Variants in DCTN4 observed in about 807,000 individuals in gnomAD.
The protein encoded by DCTN4 is dynactin 4 (p62).
A neutral mutation model predicts 62.7 loss-of-function variants in DCTN4; 23 were observed. The ratio of observed to expected loss-of-function variants is 0.37; its 90% CI spans 0.26 to 0.52. The LOEUF is 0.52. Ranked by LOEUF, DCTN4 falls within the 20% of genes least tolerant of loss-of-function variation. DCTN4 has a pLI of 0.92. For missense variants in DCTN4, 514 were observed against 580.4 expected (o/e 0.89, Z 1.18); for synonymous variants, 199 against 202.1 (o/e 0.98, Z 0.13).
intron 8 of DCTN4, among the ~76,000 whole-genome samples, chr5:150,726,835 A>G (rs981491122): frequency 6.6e-6 from 1 of 152,198 alleles, no homozygotes; most frequent in Non-Finnish European, 1.5e-5. Context: ...TTCACATCTT[A>G]CAAATGCCAT....
chr5:150,748,951 A>G (rs1162003513), intron 3 of DCTN4, among the ~76,000 whole-genome samples: 1 of 152,110 alleles, frequency 6.6e-6, no homozygotes, highest in Non-Finnish European at 1.5e-5. Flanking sequence ...AAGAAAAAAA[A>G]AGAAAAAAAG....
intron 3 of DCTN4, among the ~76,000 whole-genome samples, chr5:150,746,739 C>T (rs1309543417): frequency 4.6e-5 from 7 of 152,130 alleles, no homozygotes; most frequent in South Asian, 2.1e-4. Flanking sequence ...AATTCAACAG[C>T]CCTTCATGCT....
chr5:150,724,067 TAAGAG>T (rs746972925), intron 8 of DCTN4, among the ~76,000 whole-genome samples: 1 of 152,208 alleles, frequency 6.6e-6, no homozygotes, highest in Non-Finnish European at 1.5e-5. Context: ...GACAATTTCC[TAAGAG>T]TAGATCAAAG....
In DCTN4 at chr5:150,727,736, A is replaced by G. The variant is rs1047528821; in HGVS notation, c.834+2895T>C. On this transcript the variant is annotated intron_variant, in intron 8 of 12. Coordinates refer to ENST00000447998, the MANE Select transcript of DCTN4 (RefSeq NM_016221.4). Reference sequence around the variant, plus strand: ...GCTTGCAGTGAGCCGAGATCGCGCCACTGCACTCCAGCCTGGGCGACAGAG... The same window carrying G: ...GCTTGCAGTGAGCCGAGATCGCGCCGCTGCACTCCAGCCTGGGCGACAGAG... Among the ~76,000 whole-genome samples the G allele has an allele frequency of 2.0e-3, 262 of 133,500 alleles. 2 individuals carry two copies. Among genetic ancestry groups the G allele is most frequent in the African/African-American group, 7.2e-3 (253 of 35,058 alleles). 87.6% of individuals were successfully genotyped at this position (133,500 alleles called of 152,430 possible).
chr5:150,731,799 A>T, intron 5 of DCTN4: 1 of 1,252,698 alleles, frequency 8.0e-7, no homozygotes, highest in Non-Finnish European at 1.1e-6. Context: ...TGGAGTGTCT[A>T]AGATACACAA....
At position 150,722,942 on chromosome 5, in the gene DCTN4, T is replaced by C; in HGVS notation, c.873A>G (p.Pro291=). 1 of 1,613,144 alleles carries C rather than the reference T, an allele frequency of 6.2e-7. No homozygotes were observed. The highest frequency in any genetic ancestry group is 8.5e-7 in the Non-Finnish European group (1 of 1,179,588). Residue 291 remains proline (P), a synonymous_variant, in exon 9 of 13, where the codon CCA becomes CCG. Coordinates refer to ENST00000447998, the MANE Select transcript of DCTN4 (RefSeq NM_016221.4). ...GCTGGATTTTGAATTTGATTGACGT[T>C]GGGTTAAATTCTGGCTTGCTCAAAT... ...EHNLSKPEFN[P]TSIKFKIQLV... is the part of the protein sequence containing the mutation.
At position 150,746,000 on chromosome 5, in the gene DCTN4, G is replaced by T. The variant is rs529719710; in HGVS notation, c.386-3843C>A. On this transcript the variant is annotated intron_variant, in intron 3 of 12. Transcript: ENST00000447998. ...ACCCTTCAAAAAATTAATGAATCCA[G>T]GAGCTGGTTTTTTGAAAGGATCAAC... Among the ~76,000 whole-genome samples the T allele has an allele frequency of 3.6e-3, 539 of 151,458 alleles. 5 individuals are homozygous for T. The highest frequency in any genetic ancestry group is 0.013 in the African/African-American group (516 of 41,194).
At position 150,722,184 on chromosome 5, in the gene DCTN4, C is replaced by A. The variant is rs568062788; in HGVS notation, c.908+723G>T. ...TGCTAAGGTCAAAGGTGTTTCTTTT[C>A]TTTTAATGGCTTCTGGGTTTCCTGT... On this transcript the variant is annotated intron_variant, in intron 9 of 12. Coordinates refer to ENST00000447998, the MANE Select transcript of DCTN4 (RefSeq NM_016221.4). 2.6e-5 allele frequency among the ~76,000 whole-genome samples: 4 copies of A among 152,216 alleles called. No homozygotes were observed. In the East Asian group the frequency reaches 5.8e-4, roughly 22 times the overall value.
At chr5:150,715,487 C>T in intron 12 of DCTN4, 78 bp downstream of exon 12, 1 of 1,114,752 alleles carries the variant, frequency 9.0e-7, no homozygotes, top group African/African-American at 1.6e-5. Flanking sequence ...TTAAAAAATC[C>T]AGACAAGAAA....
At chr5:150,724,893 C>T (rs1444898694) in intron 8 of DCTN4, among the ~76,000 whole-genome samples, 1 of 152,146 alleles carries the variant, frequency 6.6e-6, no homozygotes, top group Non-Finnish European at 1.5e-5. Context: ...CGCAGTGGCT[C>T]ACGCCTGTAA....
At chr5:150,742,065 C>T (rs756386474) in intron 4 of DCTN4, 49 bp downstream of exon 4, 12 of 1,535,996 alleles carry the variant, frequency 7.8e-6, no homozygotes, top group Non-Finnish European at 9.9e-6. Context: ...CAGTCTTTTA[C>T]TCAATTTTTT....
At chr5:150,742,091 C>G (rs1240814892) in intron 4 of DCTN4, 23 bp downstream of exon 4, 6 of 1,612,162 alleles carry the variant, frequency 3.7e-6, no homozygotes, top group Non-Finnish European at 4.2e-6. Flanking sequence ...TTCATCCTCT[C>G]TCTCTTATGA....
intron 12 of DCTN4, among the ~76,000 whole-genome samples, chr5:150,713,815 C>A (rs906415777): frequency 6.6e-6 from 1 of 151,960 alleles, no homozygotes; most frequent in Non-Finnish European, 1.5e-5. Context: ...TTTGATCATT[C>A]TGTCAAAAAA....
intron 8 of DCTN4, among the ~76,000 whole-genome samples, chr5:150,725,235 T>C (rs970723773): frequency 5.9e-5 from 9 of 151,466 alleles, no homozygotes; most frequent in African/African-American, 2.2e-4. Context: ...TCTGCGGATA[T>C]ACTATAATCT....
At chr5:150,725,346 T>A (rs995286594) in intron 8 of DCTN4, among the ~76,000 whole-genome samples, 1 of 151,784 alleles carries the variant, frequency 6.6e-6, no homozygotes, top group Non-Finnish European at 1.5e-5. Flanking sequence ...TATTACTATA[T>A]TAATGGTGCA....
chr5:150,721,097 G>T (rs1759941938), intron 9 of DCTN4, among the ~76,000 whole-genome samples: 1 of 152,266 alleles, frequency 6.6e-6, no homozygotes, highest in African/African-American at 2.4e-5. Flanking sequence ...CCATTTCAGA[G>T]ACGAGGGAAG....
chr5:150,730,764 G>C (rs561304629), intron 7 of DCTN4, 24 bp from the exon 8 acceptor site: 2 of 1,599,652 alleles, frequency 1.3e-6, no homozygotes, highest in African/African-American at 2.7e-5. Context: ...CAGAAAACAG[G>C]CTTAGTTTAC....
intron 8 of DCTN4, among the ~76,000 whole-genome samples, chr5:150,725,779 G>A (rs1020275517): frequency 6.6e-6 from 1 of 152,138 alleles, no homozygotes; most frequent in Non-Finnish European, 1.5e-5. Flanking sequence ...AAAGCATAGG[G>A]ACTCCAATGG....
intron 12 of DCTN4, among the ~76,000 whole-genome samples, chr5:150,713,542 C>T (rs1759649140): frequency 6.7e-6 from 1 of 150,110 alleles, no homozygotes; most frequent in African/African-American, 2.5e-5. Flanking sequence ...CCCTAGGGTT[C>T]AAGTGATTCT....
Sources: gnomAD v4.1 joint callset for allele counts (sites outside exome capture counted in the v4.1 genomes callset) on GRCh38, gnomAD v4.1.1 for gene constraint, MANE v1.5 for transcripts, NCBI Gene and HGNC (gene_info 2026-07-23, HGNC 2026-07-21) for gene names.